Variants in REDIC1 observed in about 807,000 individuals in gnomAD.
The protein encoded by REDIC1 is HEI10 Interacting Protein 1.
At chr12:39,643,955 G>A in the REDIC1 span, 2 of 1,429,630 alleles carry the variant, frequency 1.4e-6, no homozygotes, top group South Asian at 1.3e-5. Flanking sequence ...TGAACTTGAT[G>A]TGATCATAAT....
At chr12:39,706,627 C>G in the REDIC1 span, among the ~76,000 whole-genome samples, 284 of 151,780 alleles carry the variant, frequency 1.9e-3, no homozygotes, top group Middle Eastern at 0.017. Context: ...ACTATAGTAA[C>G]CAAAACAGCA....
the REDIC1 span, among the ~76,000 whole-genome samples, chr12:39,730,257 G>GTT: frequency 6.6e-6 from 1 of 152,114 alleles, no homozygotes; most frequent in East Asian, 1.9e-4. Flanking sequence ...AGCATAAATG[G>GTT]TCTTTACAAT....
At chr12:39,637,103 T>A in the REDIC1 span, among the ~76,000 whole-genome samples, 2 of 152,012 alleles carry the variant, frequency 1.3e-5, no homozygotes, top group African/African-American at 4.8e-5. Context: ...TCTCCCTCCC[T>A]TCTCTCCTTT....
chr12:39,835,457 G>T, the REDIC1 span, among the ~76,000 whole-genome samples: 3 of 152,060 alleles, frequency 2.0e-5, no homozygotes, highest in Non-Finnish European at 4.4e-5. Context: ...ATTTATAAGA[G>T]AAATGAATAT....
chr12:39,706,270 T>C, the REDIC1 span, among the ~76,000 whole-genome samples: 1 of 151,870 alleles, frequency 6.6e-6, no homozygotes, highest in South Asian at 2.1e-4. Context: ...AAGAGCTCAA[T>C]AATAAAGACT....
the REDIC1 span, among the ~76,000 whole-genome samples, chr12:39,666,021 TTTAAC>T: frequency 1.3e-5 from 2 of 150,902 alleles, no homozygotes; most frequent in Non-Finnish European, 3.0e-5. Context: ...CTGCAAACAA[TTTAAC>T]TTCCTCTTTT....
At chr12:39,693,522 C>A in the REDIC1 span, among the ~76,000 whole-genome samples, 1 of 151,462 alleles carries the variant, frequency 6.6e-6, no homozygotes, top group Non-Finnish European at 1.5e-5. Context: ...TAGTTTCCAG[C>A]CTTTCTCATT....
the REDIC1 span, among the ~76,000 whole-genome samples, chr12:39,902,497 G>T: frequency 6.6e-6 from 1 of 151,844 alleles, no homozygotes; most frequent in African/African-American, 2.4e-5. Context: ...ATTAAACAGT[G>T]GCATATCTCT....
At chr12:39,683,244 G>C in the REDIC1 span, 2 of 1,264,250 alleles carry the variant, frequency 1.6e-6, no homozygotes, top group Admixed American at 2.5e-5. Context: ...ATTTGTATGT[G>C]TGTTTATGTG....
chr12:39,711,880 C>A, the REDIC1 span, among the ~76,000 whole-genome samples: 1 of 20,576 alleles, frequency 4.9e-5, no homozygotes, highest in Non-Finnish European at 1.1e-4. Context: ...TATACACATG[C>A]ATGTGTATGT....
chr12:39,810,335 AG>A, the REDIC1 span, among the ~76,000 whole-genome samples: 1 of 152,214 alleles, frequency 6.6e-6, no homozygotes, highest in Non-Finnish European at 1.5e-5. Flanking sequence ...GCCAATTGTT[AG>A]TAATAGAAAT....
the REDIC1 span, among the ~76,000 whole-genome samples, chr12:39,714,302 T>TGTATATACGTATATGCATGCATATAC: frequency 6.7e-6 from 1 of 149,460 alleles, no homozygotes; most frequent in African/African-American, 2.4e-5. Context: ...CATGCATATA[T>TGTATATACGTATATGCATGCATATAC]GTATATACGT....
chr12:39,759,199 T>G, the REDIC1 span: 2 of 152,578 alleles, frequency 1.3e-5, no homozygotes, highest in South Asian at 4.1e-4. Context: ...TATTTTGCAT[T>G]TATAATTGCA....
chr12:39,716,482 C>A, the REDIC1 span, among the ~76,000 whole-genome samples: 1 of 151,888 alleles, frequency 6.6e-6, no homozygotes, highest in Non-Finnish European at 1.5e-5. Flanking sequence ...TTGGAAAAAT[C>A]AATCCAACTT....
At chr12:39,897,555 GT>G in the REDIC1 span, among the ~76,000 whole-genome samples, 1 of 152,164 alleles carries the variant, frequency 6.6e-6, no homozygotes, top group African/African-American at 2.4e-5. Context: ...GGATGGAAAT[GT>G]TTTTTATCTG....
At chr12:39,665,950 A>G in the REDIC1 span, among the ~76,000 whole-genome samples, 1 of 152,228 alleles carries the variant, frequency 6.6e-6, no homozygotes, top group South Asian at 2.1e-4. Context: ...GAAGTTGCCT[A>G]TCAGCTTAAG....
chr12:39,774,584 CTTTT>C, the REDIC1 span, among the ~76,000 whole-genome samples: 3 of 130,260 alleles, frequency 2.3e-5, no homozygotes, highest in Non-Finnish European at 3.3e-5. Context: ...ATTGTCCAGC[CTTTT>C]TTTTTTTTTT....
the REDIC1 span, among the ~76,000 whole-genome samples, chr12:39,816,861 TTAAG>T: frequency 6.6e-6 from 1 of 152,180 alleles, no homozygotes; most frequent in Non-Finnish European, 1.5e-5. Context: ...TTGAAAGATT[TTAAG>T]AATTTGAAAG....
the REDIC1 span, among the ~76,000 whole-genome samples, chr12:39,720,319 G>T: frequency 1.3e-5 from 2 of 151,826 alleles, no homozygotes; most frequent in African/African-American, 4.8e-5. Flanking sequence ...CCCATAAAAA[G>T]CATACAAGTA....
Sources: gnomAD v4.1 joint callset for allele counts (sites outside exome capture counted in the v4.1 genomes callset) on GRCh38, gnomAD v4.1.1 for gene constraint, MANE v1.5 for transcripts, NCBI Gene and HGNC (gene_info 2026-07-23, HGNC 2026-07-21) for gene names.